The following MRTFA variants were observed in gnomAD, a reference collection of about 807,000 sequenced individuals.
MRTFA encodes myocardin related transcription factor A, also known as myocardin-related transcription factor A.
A neutral mutation model predicts 83.5 loss-of-function variants in MRTFA; 20 were observed. That is an observed-to-expected ratio of 0.24 (90% confidence interval 0.17 to 0.35). The LOEUF (loss-of-function observed/expected upper bound fraction) is 0.35, where lower values mean the gene tolerates loss of function less well. MRTFA is among the 10% of genes least tolerant of loss of function. MRTFA has a pLI of 1.00. For missense variants in MRTFA, 1,200 were observed against 1,224.7 expected, an observed-to-expected ratio of 0.98 and a Z score of 0.30; for synonymous variants, 659 against 541.2, an observed-to-expected ratio of 1.22 and a Z score of -3.02.
intron 3 of MRTFA, among the ~76,000 whole-genome samples, chr22:40,509,164 C>A (rs540092815): frequency 6.6e-6 from 1 of 152,314 alleles, no homozygotes; most frequent in East Asian, 1.9e-4. Context: ...TACTGGCAAA[C>A]AACTATACAA....
intron 1 of MRTFA, among the ~76,000 whole-genome samples, chr22:40,631,644 C>T (rs2056643268): frequency 6.6e-6 from 1 of 152,176 alleles, no homozygotes. Context: ...TCCACCTTCA[C>T]CATACACATA....
At chr22:40,540,462 G>C (rs1420260167) in intron 3 of MRTFA, among the ~76,000 whole-genome samples, 1 of 152,062 alleles carries the variant, frequency 6.6e-6, no homozygotes, top group Non-Finnish European at 1.5e-5. Flanking sequence ...CCCAGCACCT[G>C]TGCCTGCCTC....
chr22:40,481,228 G>A (rs2054085205), intron 3 of MRTFA, among the ~76,000 whole-genome samples: 1 of 152,164 alleles, frequency 6.6e-6, no homozygotes, highest in Admixed American at 6.5e-5. Flanking sequence ...GGCTCTCAGT[G>A]TGGGAACATC....
intron 2 of MRTFA, among the ~76,000 whole-genome samples, chr22:40,576,912 T>C (rs1207063333): frequency 6.6e-6 from 1 of 152,052 alleles, no homozygotes; most frequent in Non-Finnish European, 1.5e-5. Flanking sequence ...GAGACACTCA[T>C]CTCTATAAAA....
At chr22:40,605,767 G>A (rs1470659672) in intron 1 of MRTFA, among the ~76,000 whole-genome samples, 3 of 152,078 alleles carry the variant, frequency 2.0e-5, no homozygotes, top group Non-Finnish European at 4.4e-5. Flanking sequence ...ACTTAGTCCA[G>A]GCTTCATCTA....
intron 3 of MRTFA, among the ~76,000 whole-genome samples, chr22:40,494,599 C>G (rs1185699899): frequency 6.6e-6 from 1 of 151,686 alleles, no homozygotes; most frequent in Non-Finnish European, 1.5e-5. Context: ...GAGCATCACT[C>G]GAGCCCAGGG....
At chr22:40,464,086 A>C (rs1226476508) in intron 3 of MRTFA, among the ~76,000 whole-genome samples, 1 of 152,030 alleles carries the variant, frequency 6.6e-6, no homozygotes, top group Non-Finnish European at 1.5e-5. Context: ...GCGGATCACA[A>C]GGTCAGGAGT....
chr22:40,604,061 A>G (rs2056290189), intron 1 of MRTFA, among the ~76,000 whole-genome samples: 1 of 151,926 alleles, frequency 6.6e-6, no homozygotes, highest in African/African-American at 2.4e-5. Flanking sequence ...TGGAAAACAG[A>G]TAAAGAACAA....
chr22:40,559,713 A>G (rs1179144542), intron 2 of MRTFA, among the ~76,000 whole-genome samples: 1 of 152,182 alleles, frequency 6.6e-6, no homozygotes, highest in Non-Finnish European at 1.5e-5. Context: ...GACAGAACAC[A>G]TACATTTTTA....
intron 3 of MRTFA, among the ~76,000 whole-genome samples, chr22:40,480,681 G>A (rs567162671): frequency 1.3e-5 from 2 of 151,026 alleles, no homozygotes; most frequent in Non-Finnish European, 2.9e-5. Context: ...ATGATGGTTC[G>A]CACCTGTAAT....
chr22:40,420,614 C>A, intron 10 of MRTFA, 38 bp from the exon 11 acceptor site: 1 of 1,602,364 alleles, frequency 6.2e-7, no homozygotes. Context: ...CATCCAGCTT[C>A]GCCCGTGGCC....
rs779867177 is a variant in MRTFA at position 40,423,668 on chromosome 22, C to T, written c.795G>A (p.Pro265=). The T allele has an allele frequency of 3.8e-6, 6 of 1,569,514 alleles. No homozygotes were observed. Among genetic ancestry groups the T allele is most frequent in the South Asian group, 1.2e-5 (1 of 83,280 alleles). ...GCATTTCTCTGGAATCCCGGCCCATCGGAAGTTGAGACACAACCTGAGAGG... is the reference window on the plus strand; with the variant it reads ...GCATTTCTCTGGAATCCCGGCCCATTGGAAGTTGAGACACAACCTGAGAGG... The change falls in exon 9 of 15, where the codon CCG becomes CCA. Residue 265 remains proline, a synonymous_variant. Transcript: ENST00000355630.
intron 3 of MRTFA, among the ~76,000 whole-genome samples, chr22:40,504,468 A>G (rs1445755603): frequency 1.3e-5 from 2 of 152,260 alleles, no homozygotes; most frequent in African/African-American, 2.4e-5. Flanking sequence ...AAGTCAGTAC[A>G]TCACATCAGC....
intron 14 of MRTFA, among the ~76,000 whole-genome samples, chr22:40,415,701 G>A (rs1731883100): frequency 6.6e-6 from 1 of 151,988 alleles, no homozygotes; most frequent in African/African-American, 2.4e-5. Flanking sequence ...TTCCTGCCCA[G>A]CATCTGCCCT....
At chr22:40,475,573 G>C (rs1195441262) in intron 3 of MRTFA, among the ~76,000 whole-genome samples, 1 of 152,114 alleles carries the variant, frequency 6.6e-6, no homozygotes, top group Non-Finnish European at 1.5e-5. Flanking sequence ...TTTTAAGAAA[G>C]ACACTAACAT....
intron 3 of MRTFA, among the ~76,000 whole-genome samples, chr22:40,533,054 T>C (rs2055108988): frequency 1.3e-5 from 2 of 152,218 alleles, no homozygotes; most frequent in South Asian, 2.1e-4. Flanking sequence ...CTCCCCTGTG[T>C]TGACTGACTC....
chr22:40,461,521 C>T (rs995245192), intron 4 of MRTFA, among the ~76,000 whole-genome samples: 1 of 149,844 alleles, frequency 6.7e-6, no homozygotes, highest in Non-Finnish European at 1.5e-5. Context: ...CACAGTGGCT[C>T]AGGCTGTAAT....
intron 3 of MRTFA, among the ~76,000 whole-genome samples, chr22:40,479,207 C>T (rs2054047869): frequency 6.6e-6 from 1 of 152,148 alleles, no homozygotes; most frequent in South Asian, 2.1e-4. Flanking sequence ...TCCACCTTCC[C>T]TTCTCTGCCA....
At chr22:40,463,463 G>T in intron 3 of MRTFA, 177 bp from the exon 4 acceptor site, 1 of 570,230 alleles carries the variant, frequency 1.8e-6, no homozygotes, top group Non-Finnish European at 3.2e-6. Context: ...CAGAGTTTCC[G>T]TATTCTGCTG....
Sources: allele counts gnomAD v4.1 joint callset (sites outside exome capture counted in the v4.1 genomes callset), GRCh38; gene constraint gnomAD v4.1.1; transcripts MANE v1.5; gene names NCBI Gene and HGNC (gene_info 2026-07-23, HGNC 2026-07-21).